JMJD1C: variants seen among roughly 807,000 people sequenced by gnomAD.
JMJD1C encodes jumonji domain-containing protein 1C.
A neutral mutation model predicts 245.3 loss-of-function variants in JMJD1C; 31 were observed. The ratio of observed to expected loss-of-function variants is 0.13; its 90% confidence interval spans 0.09 to 0.17. The LOEUF (loss-of-function observed/expected upper bound fraction) is 0.17. Ranked by LOEUF, JMJD1C falls within the 10% of genes least tolerant of loss-of-function variation. The pLI is 1.00. For synonymous variants in JMJD1C, 1,057 were observed against 1,017.4 expected, an observed-to-expected ratio of 1.04 and a Z score of -0.74; for missense variants, 2,691 against 3,000.2, an observed-to-expected ratio of 0.90 and a Z score of 2.41.
At position 63,207,693 on chromosome 10, in the gene JMJD1C, T is replaced by C. The variant is rs1846805838; in HGVS notation, c.3976A>G (p.Lys1326Glu). 2.5e-6 allele frequency: 4 copies of C among 1,614,180 alleles called. No individual in the cohort carries two copies. Among genetic ancestry groups the C allele is most frequent in the Non-Finnish European group, 3.4e-6 (4 of 1,179,996 alleles). Reference protein sequence around the residue: ...DSMPAMQLASKDRVSERSSAG... With the variant: ...DSMPAMQLASEDRVSERSSAG... ...GAAGATCTTTCACTAACACGATCTT[T>C]AGAAGCTAACTGCATTGCTGGCATA... is the stretch of plus-strand genomic sequence containing the variant. Residue 1326 changes from lysine (K) to glutamate (E), a missense_variant, in exon 10 of 26, where the codon AAA becomes GAA. Lys to Glu is a moderately conservative substitution (Grantham distance 56). Around this residue, in one of 9 missense-constraint regions of JMJD1C, gnomAD observed 1,562 missense variants for 1,490.7 expected, o/e 1.05. Coordinates refer to ENST00000399262, the MANE Select transcript of JMJD1C (RefSeq NM_032776.3).
chr10:63,252,773 T>C (rs754919580), intron 3 of JMJD1C, among the ~76,000 whole-genome samples: 3 of 152,200 alleles, frequency 2.0e-5, no homozygotes, highest in Non-Finnish European at 4.4e-5. Flanking sequence ...ATCAGCTGAT[T>C]CTATACTACA....
chr10:63,198,287 G>A (rs971924493), intron 12 of JMJD1C, among the ~76,000 whole-genome samples: 1 of 152,024 alleles, frequency 6.6e-6, no homozygotes, highest in African/African-American at 2.4e-5. Context: ...ATGTTGTAAT[G>A]GCAGAAACAG....
chr10:63,399,809 T>C (rs1402637353), intron 1 of JMJD1C, among the ~76,000 whole-genome samples: 2 of 152,024 alleles, frequency 1.3e-5, no homozygotes. Flanking sequence ...CTTTTGGGAT[T>C]ATGTAAAATA....
chr10:63,202,485 T>C (rs1846137516), intron 10 of JMJD1C: 1 of 985,320 alleles, frequency 1.0e-6, no homozygotes, highest in African/African-American at 1.7e-5. Flanking sequence ...TGAGACTACG[T>C]ACTTCTTGCA....
intron 1 of JMJD1C, among the ~76,000 whole-genome samples, chr10:63,442,575 G>A (rs1005097224): frequency 5.3e-5 from 8 of 152,084 alleles, no homozygotes; most frequent in African/African-American, 1.2e-4. Flanking sequence ...ACCAGAAAAC[G>A]AAGAGAAAGT....
At chr10:63,343,211 T>A (rs1024121462) in intron 2 of JMJD1C, among the ~76,000 whole-genome samples, 4 of 151,786 alleles carry the variant, frequency 2.6e-5, no homozygotes, top group South Asian at 2.1e-4. Context: ...AAAATTTTTT[T>A]AAAAATTGGC....
intron 13 of JMJD1C, among the ~76,000 whole-genome samples, chr10:63,195,287 C>G (rs10761722): frequency 0.69 from 103,503 of 150,342 alleles, 37,351 homozygotes; most frequent in Non-Finnish European, 0.81. Context: ...CCAGGAGGTG[C>G]AGGTTGCAGC....
intron 2 of JMJD1C, among the ~76,000 whole-genome samples, chr10:63,271,603 G>A (rs1355960333): frequency 6.6e-6 from 1 of 151,894 alleles, no homozygotes; most frequent in African/African-American, 2.4e-5. Context: ...TCAGGCTGGA[G>A]TGCAATGGTG....
chr10:63,490,864 GAATA>G lies in JMJD1C; in HGVS notation n.113+30870_113+30873del, dbSNP rs535138083. 2.1e-3 allele frequency among the ~76,000 whole-genome samples: 315 copies of G among 152,196 alleles called. 2 individuals carry two copies. Among genetic ancestry groups the G allele is most frequent in the African/African-American group, 5.6e-3 (231 of 41,542 alleles). On this transcript the variant is annotated intron_variant and non_coding_transcript_variant, in intron 1 of 3. Coordinates refer to the JMJD1C transcript ENST00000633035. ...TTCAATAAACATCTGTTGAATGCAT[GAATA>G]AATAAAGGAGGCATTAATAACAATA...
intron 2 of JMJD1C, among the ~76,000 whole-genome samples, chr10:63,293,236 A>G (rs1444080085): frequency 6.6e-6 from 1 of 152,014 alleles, no homozygotes; most frequent in Non-Finnish European, 1.5e-5. Flanking sequence ...AATGCCACCA[A>G]ACCTTAACTG....
intron 1 of JMJD1C, among the ~76,000 whole-genome samples, chr10:63,501,265 TCA>T (rs574526147): frequency 1.2e-3 from 185 of 152,348 alleles, no homozygotes; most frequent in African/African-American, 3.7e-3. Flanking sequence ...GCATGGAATT[TCA>T]CAGTCATGTA....
chr10:63,208,341 G>A lies in JMJD1C; in HGVS notation c.3328C>T (p.Pro1110Ser). The change falls in exon 10 of 26, where the codon CCA (proline) becomes TCA (serine). Residue 1110 changes from proline to serine, a missense_variant. Pro to Ser is a moderately conservative substitution (Grantham distance 74, BLOSUM62 -1). Transcript: ENST00000399262. ...SVVNEPPRSY[P>S]SKEVSNIYGD... ...TAAATATTTGAAACTTCTTTGGATG[G>A]GTATGATCTTGGTGGTTCATTGACC... The A allele has an allele frequency of 6.2e-7, 1 of 1,613,924 alleles. No individual in the cohort carries two copies. Among genetic ancestry groups the A allele is most frequent in the Non-Finnish European group, 8.5e-7 (1 of 1,179,888 alleles).
Position 63,214,165 on chromosome 10 carries a change from T to C in JMJD1C, c.2002A>G (p.Thr668Ala), listed in dbSNP as rs747967178. The change falls in exon 8 of 26, where the codon ACT (threonine) becomes GCT (alanine). Residue 668 changes from threonine to alanine, a missense_variant. By Grantham distance (58) the Thr-to-Ala change is moderately conservative (BLOSUM62 0). Around this residue, in one of 9 missense-constraint regions of JMJD1C, gnomAD observed 1,562 missense variants for 1,490.7 expected, o/e 1.05. Coordinates refer to ENST00000399262, the MANE Select transcript of JMJD1C (RefSeq NM_032776.3). ...SKATYVNSQA[T>A]GERRLANKIE... ...TTATTTGCCAATCTTCTTTCACCAGTAGCTTGGCTGTTCACATAAGTGGCC... is the reference window on the plus strand; with the variant it reads ...TTATTTGCCAATCTTCTTTCACCAGCAGCTTGGCTGTTCACATAAGTGGCC... 3.2e-5 allele frequency: 51 copies of C among 1,614,052 alleles called. No homozygotes were observed. The highest frequency in any genetic ancestry group is 1.7e-5 in the Non-Finnish European group (20 of 1,180,020).
chr10:63,219,628 T>C (rs1223724937), intron 4 of JMJD1C, among the ~76,000 whole-genome samples: 1 of 152,224 alleles, frequency 6.6e-6, no homozygotes, highest in Admixed American at 6.5e-5. Context: ...TGCAGTTTTC[T>C]GTCAACAAAA....
intron 2 of JMJD1C, among the ~76,000 whole-genome samples, chr10:63,316,447 T>A (rs527317312): frequency 6.9e-4 from 105 of 152,324 alleles, no homozygotes; most frequent in African/African-American, 2.3e-3. Context: ...TTTTATTCTG[T>A]ATATAATATT....
chr10:63,230,769 TCCC>T (rs562461451), intron 3 of JMJD1C, among the ~76,000 whole-genome samples: 1 of 136,696 alleles, frequency 7.3e-6, no homozygotes, highest in East Asian at 2.2e-4. Flanking sequence ...AGTGAGACTG[TCCC>T]CCCCCCCAAA....
At chr10:63,421,289 G>A (rs1212509303) in intron 1 of JMJD1C, among the ~76,000 whole-genome samples, 6 of 152,138 alleles carry the variant, frequency 3.9e-5, no homozygotes, top group Admixed American at 2.0e-4. Context: ...AGCCGAGATC[G>A]CCCCATTGCA....
Position 63,207,060 on chromosome 10 carries a change from G to C in JMJD1C, c.4609C>G (p.Gln1537Glu). ...INKANSVGNG[Q>E]ASQTSQPNYH... is the part of the protein sequence containing the mutation. The stretch of plus-strand genomic sequence containing the variant: ...TTTGGTTGACTTGTCTGGGAAGCTT[G>C]CCCATTTCCTACAGAGTTTGCTTTG... The change falls in exon 10 of 26, where the codon CAA (glutamine) becomes GAA (glutamate). Residue 1537 changes from glutamine (Q) to glutamate (E), a missense_variant. Gln to Glu is a conservative substitution (Grantham distance 29, BLOSUM62 2). Transcript: ENST00000399262. 6.2e-7 allele frequency: 1 copy of C among 1,614,166 alleles called. No individual in the cohort carries two copies. Among genetic ancestry groups the C allele is most frequent in the Non-Finnish European group, 8.5e-7 (1 of 1,180,018 alleles).
chr10:63,208,776 C>T lies in JMJD1C; in HGVS notation c.2893G>A (p.Glu965Lys). 6.3e-7 allele frequency: 1 copy of T among 1,582,836 alleles called. No individual in the cohort carries two copies. The change falls in exon 10 of 26, where the codon GAA becomes AAA. Residue 965 changes from glutamate to lysine, a missense_variant. This residue lies in a region of JMJD1C where 1,562 missense variants were observed against 1,490.7 expected (regional missense o/e 1.05). Coordinates refer to ENST00000399262, the MANE Select transcript of JMJD1C (RefSeq NM_032776.3). ...GTGGATGCAACAGACCGTAATGGTT[C>T]CATAAAAGCTTTTCTTTCTAATTCT... ...KEELERKAFM[E>K]PLRSVASTSA...
Sources: allele counts gnomAD v4.1 joint callset (sites outside exome capture counted in the v4.1 genomes callset), GRCh38; gene constraint gnomAD v4.1.1; regional missense constraint gnomAD v4.1.1; transcripts MANE v1.5; gene names NCBI Gene and HGNC (gene_info 2026-07-23, HGNC 2026-07-21).